The following STOX2 variants were observed in gnomAD, a reference collection of about 807,000 sequenced individuals.
STOX2 encodes storkhead-box protein 2.
In STOX2, 28 loss-of-function variants were observed where a neutral mutation model predicts 60.9. The observed-to-expected ratio is 0.46, with a 90% confidence interval of 0.34 to 0.63. The LOEUF (loss-of-function observed/expected upper bound fraction) is 0.63. Ranked by LOEUF, STOX2 falls within the 30% of genes least tolerant of loss-of-function variation. The pLI is 0.01. For missense variants in STOX2, 1,024 were observed against 1,187.7 expected (o/e 0.86, Z 2.03); for synonymous variants, 472 against 463.9 (o/e 1.02, Z -0.22).
At chr4:183,951,568 A>G (rs1743094477) in intron 1 of STOX2, among the ~76,000 whole-genome samples, 1 of 148,722 alleles carries the variant, frequency 6.7e-6, no homozygotes, top group African/African-American at 2.5e-5. Context: ...CTCCCGCCTC[A>G]GTCTCTCAAG....
At chr4:183,964,742 C>G (rs1329285391) in intron 1 of STOX2, among the ~76,000 whole-genome samples, 3 of 152,092 alleles carry the variant, frequency 2.0e-5, no homozygotes, top group Non-Finnish European at 2.9e-5. Flanking sequence ...GCCACCATGC[C>G]CAGCTGATTT....
intron 2 of STOX2, among the ~76,000 whole-genome samples, 197 bp from the exon 3 acceptor site, chr4:184,008,961 T>C (rs1734006347): frequency 6.6e-6 from 1 of 152,206 alleles, no homozygotes; most frequent in African/African-American, 2.4e-5. Flanking sequence ...TATCTGCTCA[T>C]TCTGTGGGTA....
chr4:183,804,428 C>G (rs1738838185), intron 1 of STOX2, among the ~76,000 whole-genome samples: 1 of 152,094 alleles, frequency 6.6e-6, no homozygotes, highest in Admixed American at 6.5e-5. Context: ...AGAGGGTGGC[C>G]CATGGGGCTG....
intron 1 of STOX2, among the ~76,000 whole-genome samples, chr4:183,948,601 G>A (rs1742975156): frequency 8.1e-6 from 1 of 123,298 alleles, no homozygotes; most frequent in Middle Eastern, 6.4e-3. Context: ...GCGCGATCTT[G>A]GCTCACTGCA....
At chr4:183,798,463 G>C (rs1738683479) in intron 1 of STOX2, among the ~76,000 whole-genome samples, 1 of 151,888 alleles carries the variant, frequency 6.6e-6, no homozygotes, top group Non-Finnish European at 1.5e-5. Flanking sequence ...GAGGATTCCG[G>C]GGCTCGGGTC....
intron 1 of STOX2, among the ~76,000 whole-genome samples, chr4:183,947,098 G>A (rs1207945153): frequency 6.6e-6 from 1 of 151,738 alleles, no homozygotes; most frequent in Non-Finnish European, 1.5e-5. Context: ...GGGCAAGGGG[G>A]CTCCTGGAAC....
chr4:184,015,276 C>T (rs1473535516), intron 3 of STOX2: 3 of 152,216 alleles, frequency 2.0e-5, no homozygotes, highest in African/African-American at 4.8e-5. Context: ...TCCTCTTCCT[C>T]CACCTGCTCC....
intron 1 of STOX2, among the ~76,000 whole-genome samples, chr4:183,932,558 CA>C (rs1465367331): frequency 6.6e-6 from 1 of 151,882 alleles, no homozygotes; most frequent in Non-Finnish European, 1.5e-5. Flanking sequence ...GTTTGGCAGG[CA>C]TTTTTTTCCT....
intron 1 of STOX2, among the ~76,000 whole-genome samples, chr4:183,818,870 G>GGGC (rs1161347822): frequency 2.6e-5 from 4 of 151,974 alleles, no homozygotes; most frequent in African/African-American, 7.3e-5. Context: ...ATCCCAGACG[G>GGGC]GGTGGTGGGG....
At chr4:183,991,164 T>C (rs1436876804) in intron 1 of STOX2, among the ~76,000 whole-genome samples, 1 of 152,144 alleles carries the variant, frequency 6.6e-6, no homozygotes, top group Non-Finnish European at 1.5e-5. Flanking sequence ...AGTGCCTTTT[T>C]CTCTCCAAAG....
At chr4:183,844,565 A>G (rs1739943223) in intron 1 of STOX2, among the ~76,000 whole-genome samples, 3 of 152,188 alleles carry the variant, frequency 2.0e-5, no homozygotes, top group African/African-American at 2.4e-5. Flanking sequence ...GAGAATTTTT[A>G]CCTCAGGGAT....
chr4:183,951,078 T>G (rs7686657), intron 1 of STOX2, among the ~76,000 whole-genome samples: 1 of 151,180 alleles, frequency 6.6e-6, no homozygotes, highest in Non-Finnish European at 1.5e-5. Flanking sequence ...TAGCCGGGCG[T>G]GGTGGCGGGC....
At chr4:183,885,731 G>A (rs1741064075) in intron 1 of STOX2, among the ~76,000 whole-genome samples, 1 of 152,152 alleles carries the variant, frequency 6.6e-6, no homozygotes, top group Non-Finnish European at 1.5e-5. Context: ...CTCTTACTGT[G>A]GGCTTTGCAG....
rs111425397 is a variant in STOX2 at position 183,936,947 on chromosome 4, T to G, written c.166+29991T>G. Among the ~76,000 whole-genome samples the G allele has an allele frequency of 5.3e-3, 809 of 152,376 alleles. 5 individuals are homozygous for G. Among genetic ancestry groups the G allele is most frequent in the African/African-American group, 0.018 (758 of 41,584 alleles). On this transcript the variant is annotated intron_variant, in intron 1 of 3. Coordinates refer to ENST00000308497, the MANE Select transcript of STOX2 (RefSeq NM_020225.3). ...AATTTGGTGGGCAGAGCATGGATAC[T>G]TTTGCACATCATAAGTTTTCATTAT...
At chr4:183,848,358 A>G (rs1740032944) in intron 1 of STOX2, among the ~76,000 whole-genome samples, 1 of 152,238 alleles carries the variant, frequency 6.6e-6, no homozygotes, top group Admixed American at 6.5e-5. Flanking sequence ...TTCAAGGCAC[A>G]TAATATACAA....
At chr4:183,815,418 A>G (rs1739133144) in intron 1 of STOX2, among the ~76,000 whole-genome samples, 1 of 152,196 alleles carries the variant, frequency 6.6e-6, no homozygotes, top group African/African-American at 2.4e-5. Flanking sequence ...AATAGCATAT[A>G]TTAAATTTAT....
At chr4:183,849,484 A>T (rs28622589) in intron 1 of STOX2, among the ~76,000 whole-genome samples, 6,231 of 152,334 alleles carry the variant, frequency 0.041, 399 homozygotes, top group African/African-American at 0.14. Flanking sequence ...TCTTTTGGAG[A>T]TAGCATTTAC....
At chr4:183,931,627 A>G (rs1742426516) in intron 1 of STOX2, among the ~76,000 whole-genome samples, 1 of 152,216 alleles carries the variant, frequency 6.6e-6, no homozygotes, top group Non-Finnish European at 1.5e-5. Flanking sequence ...AGTTCACTAT[A>G]CCGTAAAGGT....
chr4:183,881,245 A>G (rs981265929), intron 1 of STOX2, among the ~76,000 whole-genome samples: 4 of 108,924 alleles, frequency 3.7e-5, no homozygotes, highest in East Asian at 3.2e-4. Flanking sequence ...GCTCACACCT[A>G]TAATTCCAGC....
Sources: allele counts gnomAD v4.1 joint callset (sites outside exome capture counted in the v4.1 genomes callset), GRCh38; gene constraint gnomAD v4.1.1; transcripts MANE v1.5; gene names NCBI Gene and HGNC (gene_info 2026-07-23, HGNC 2026-07-21).